VPS45: variants seen among roughly 807,000 people sequenced by gnomAD.
VPS45 encodes vacuolar protein sorting 45 homolog.
In VPS45, 35 loss-of-function variants were observed where a neutral mutation model predicts 75.9. The observed-to-expected ratio is 0.46, with a 90% CI of 0.35 to 0.61. The LOEUF (loss-of-function observed/expected upper bound fraction) is 0.61. Ranked by LOEUF, VPS45 falls within the 20% of genes least tolerant of loss-of-function variation. The pLI is 0.00. For missense variants in VPS45, 559 were observed against 685.9 expected (o/e 0.81, Z 2.07); for synonymous variants, 220 against 238.2 (o/e 0.92, Z 0.70).
At chr1:150,140,178 A>G (rs1318263554) in intron 14 of VPS45, among the ~76,000 whole-genome samples, 1 of 152,232 alleles carries the variant, frequency 6.6e-6, no homozygotes, top group Non-Finnish European at 1.5e-5. Context: ...TGCTGGGATT[A>G]CAGGCGTGAG....
intron 3 of VPS45, among the ~76,000 whole-genome samples, chr1:150,074,202 A>G (rs1263128136): frequency 6.6e-6 from 1 of 151,590 alleles, no homozygotes; most frequent in Admixed American, 6.6e-5. Flanking sequence ...TTTTTTTAGT[A>G]GAGACAGGGT....
At position 150,130,186 on chromosome 1, in the gene VPS45, T is replaced by TAC. The variant is rs1209144417; in HGVS notation, c.1626-14512_1626-14511dup. ...AGCACACATATATATCTATATATAA[T>TAC]ACACACACACACTTTTTTTTTTTTT... On this transcript the variant is annotated intron_variant, in intron 14 of 14. Coordinates refer to ENST00000644510, the MANE Select transcript of VPS45 (RefSeq NM_007259.5). Among the ~76,000 whole-genome samples the TAC allele has an allele frequency of 1.4e-4, 18 of 130,318 alleles. 1 individual carries two copies. Among genetic ancestry groups the TAC allele is most frequent in the Middle Eastern group, 5.2e-3 (1 of 194 alleles). 85.5% of individuals were successfully genotyped at this position (130,318 alleles called of 152,430 possible).
chr1:150,073,367 T>C (rs1326063846), intron 3 of VPS45, among the ~76,000 whole-genome samples: 1 of 152,162 alleles, frequency 6.6e-6, no homozygotes, highest in Non-Finnish European at 1.5e-5. Context: ...AGAATAATGA[T>C]ACAAAAAATT....
rs114475360 is a variant in VPS45 at position 150,087,286 on chromosome 1, A to G, written c.1104+4403A>G. 6.1e-3 allele frequency among the ~76,000 whole-genome samples: 923 copies of G among 152,254 alleles called. 12 individuals carry two copies. Among genetic ancestry groups the G allele is most frequent in the African/African-American group, 0.021 (881 of 41,548 alleles). On this transcript the variant is annotated intron_variant, in intron 10 of 14. Transcript: ENST00000644510. ...CTATTCCTTGATTACGCCCACACAA[A>G]TGTTAGAGTTCAGTGCAAGGTTTTC...
At chr1:150,111,408 G>T (rs1553807154) in intron 14 of VPS45, among the ~76,000 whole-genome samples, 1 of 152,186 alleles carries the variant, frequency 6.6e-6, no homozygotes, top group Non-Finnish European at 1.5e-5. Context: ...AAAGTGAAAG[G>T]ATGATTGAAT....
chr1:150,137,986 C>T lies in VPS45; in HGVS notation c.1626-6723C>T, dbSNP rs73011269. Among the ~76,000 whole-genome samples the T allele has an allele frequency of 7.9e-3, 1,184 of 150,516 alleles. 11 individuals are homozygous for T. Among genetic ancestry groups the T allele is most frequent in the African/African-American group, 0.028 (1,144 of 40,946 alleles). ...TGCATCTTTAAAAGCCCTCTCTTAA[C>T]CCCCTTACTCTTTCTAGGCTCCATC... On this transcript the variant is annotated intron_variant, in intron 14 of 14. Transcript: ENST00000644510.
intron 13 of VPS45, among the ~76,000 whole-genome samples, chr1:150,101,468 GT>G (rs1223309659): frequency 6.6e-6 from 1 of 152,070 alleles, no homozygotes; most frequent in Non-Finnish European, 1.5e-5. Flanking sequence ...GGGCATGGTG[GT>G]TCACGCCTGT....
intron 10 of VPS45, among the ~76,000 whole-genome samples, chr1:150,086,583 A>G (rs1553800719): frequency 6.6e-6 from 1 of 152,150 alleles, no homozygotes; most frequent in African/African-American, 2.4e-5. Context: ...ACTTTGATTA[A>G]TTAAATGTAA....
intron 14 of VPS45, among the ~76,000 whole-genome samples, chr1:150,140,389 G>GTGTGTGTA (rs1659331309): frequency 9.2e-6 from 1 of 109,154 alleles, no homozygotes; most frequent in African/African-American, 4.1e-5. Flanking sequence ...CACTTCTGGT[G>GTGTGTGTA]TGTGTGTGTG....
At chr1:150,101,604 C>T (rs1571864880) in intron 13 of VPS45, among the ~76,000 whole-genome samples, 1 of 151,532 alleles carries the variant, frequency 6.6e-6, no homozygotes, top group East Asian at 2.0e-4. Flanking sequence ...CCTGGTGGCG[C>T]GTGCCTGTAA....
intron 7 of VPS45, among the ~76,000 whole-genome samples, chr1:150,079,920 C>T (rs1014876964): frequency 2.0e-5 from 3 of 152,154 alleles, no homozygotes; most frequent in Non-Finnish European, 2.9e-5. Flanking sequence ...GCCTATTATT[C>T]TGTCTCCCAA....
Position 150,126,917 on chromosome 1 carries a change from TA to T in VPS45, c.1625+16296del, listed in dbSNP as rs587642900. 2.2e-3 allele frequency among the ~76,000 whole-genome samples: 328 copies of T among 152,264 alleles called. 1 individual carries two copies. Among genetic ancestry groups the T allele is most frequent in the Middle Eastern group, 0.01 (3 of 294 alleles). On this transcript the variant is annotated intron_variant, in intron 14 of 14. Coordinates refer to ENST00000644510, the MANE Select transcript of VPS45 (RefSeq NM_007259.5). ...TTTCTCCTTCAAATGTTCAGAAAGA[TA>T]AAAAAGATAATTTAAAATGGAATAG...
intron 14 of VPS45, among the ~76,000 whole-genome samples, chr1:150,122,435 G>C (rs1452654726): frequency 2.0e-5 from 3 of 152,142 alleles, no homozygotes; most frequent in East Asian, 1.9e-4. Flanking sequence ...CTGCAAGGAG[G>C]CTGGTGAGTC....
At chr1:150,080,191 G>C (rs1553799012) in intron 7 of VPS45, among the ~76,000 whole-genome samples, 1 of 151,034 alleles carries the variant, frequency 6.6e-6, no homozygotes, top group Non-Finnish European at 1.5e-5. Flanking sequence ...TATTGTCCAG[G>C]CTGGAGTGCA....
At chr1:150,143,434 C>T (rs1171947791) in intron 14 of VPS45, among the ~76,000 whole-genome samples, 1 of 151,988 alleles carries the variant, frequency 6.6e-6, no homozygotes, top group Non-Finnish European at 1.5e-5. Context: ...ACTAAAACTA[C>T]AAAAATTAGC....
intron 14 of VPS45, among the ~76,000 whole-genome samples, chr1:150,136,458 G>A (rs1659104160): frequency 6.6e-6 from 1 of 151,866 alleles, no homozygotes; most frequent in Admixed American, 6.6e-5. Context: ...AGGAGGCTAA[G>A]GCAAGAGAAT....
intron 11 of VPS45, 36 bp downstream of exon 11, chr1:150,092,131 C>A (rs782316236): frequency 5.0e-6 from 8 of 1,596,298 alleles, no homozygotes; most frequent in Middle Eastern, 1.7e-4. Flanking sequence ...CAAACAGGAA[C>A]CAACTCTGTT....
chr1:150,130,422 G>A (rs1490714777), intron 14 of VPS45, among the ~76,000 whole-genome samples: 1 of 150,540 alleles, frequency 6.6e-6, no homozygotes, highest in Non-Finnish European at 1.5e-5. Flanking sequence ...AGACTCCTGG[G>A]CTCAAGTGAT....
intron 13 of VPS45, among the ~76,000 whole-genome samples, chr1:150,095,928 T>G (rs1246155813): frequency 6.6e-6 from 1 of 152,116 alleles, no homozygotes; most frequent in African/African-American, 2.4e-5. Flanking sequence ...AAGAATGGAT[T>G]ATTGAAGGCA....
Sources: allele counts gnomAD v4.1 joint callset (sites outside exome capture counted in the v4.1 genomes callset), GRCh38; gene constraint gnomAD v4.1.1; transcripts MANE v1.5; gene names NCBI Gene and HGNC (gene_info 2026-07-23, HGNC 2026-07-21).